The following EDAR variants were observed in gnomAD, a reference collection of about 807,000 sequenced individuals.
EDAR encodes ectodysplasin A receptor.
In EDAR, 38 loss-of-function variants were observed where a neutral mutation model predicts 51.3. The ratio of observed to expected loss-of-function variants is 0.74; its 90% CI spans 0.57 to 0.97. EDAR has a LOEUF of 0.97. EDAR is among the 50% of genes least tolerant of loss of function. EDAR has a pLI of 0.00. For synonymous variants in EDAR, 227 were observed against 242.1 expected (o/e 0.94, Z 0.58); for missense variants, 528 against 595.0 (o/e 0.89, Z 1.17).
intron 1 of EDAR, among the ~76,000 whole-genome samples, chr2:108,956,314 G>C (rs1392493643): frequency 6.6e-6 from 1 of 152,216 alleles, no homozygotes; most frequent in East Asian, 1.9e-4. Flanking sequence ...AGAAGTTAAA[G>C]GGCATGAGAG....
rs1431867467 is a variant in EDAR, at chr2:108,895,324, G to A, written c.*1583C>T. 1 of 152,630 alleles carries A rather than the reference G, an allele frequency of 6.6e-6. No homozygotes were observed. The highest frequency in any genetic ancestry group is 2.1e-4 in the South Asian group (1 of 4,816). 9.5% of individuals were successfully genotyped at this position (152,630 alleles called of 1,614,324 possible). On this transcript the variant is annotated 3_prime_UTR_variant, in exon 12 of 12. Coordinates refer to ENST00000258443, the MANE Select transcript of EDAR (RefSeq NM_022336.4). Reference sequence around the variant, plus strand: ...TAATTTTTACAACCTCGCTTTATAAGTCAGAGACTTTGTTTTAATGTAGTA... The same window carrying A: ...TAATTTTTACAACCTCGCTTTATAAATCAGAGACTTTGTTTTAATGTAGTA...
chr2:108,943,279 G>A (rs2105477358), intron 1 of EDAR, among the ~76,000 whole-genome samples: 1 of 152,298 alleles, frequency 6.6e-6, no homozygotes, highest in East Asian at 1.9e-4. Context: ...GGTCTGCTCC[G>A]ACTCCAAAGG....
At chr2:108,924,887 G>A (rs983145065) in intron 4 of EDAR, among the ~76,000 whole-genome samples, 5 of 152,198 alleles carry the variant, frequency 3.3e-5, no homozygotes, top group African/African-American at 9.7e-5. Context: ...GTGAGTTCAC[G>A]GGCATGTGGG....
chr2:108,934,196 A>G (rs1697424770), intron 1 of EDAR, among the ~76,000 whole-genome samples: 1 of 151,990 alleles, frequency 6.6e-6, no homozygotes, highest in Non-Finnish European at 1.5e-5. Flanking sequence ...GTGGCCTTAG[A>G]TGTGTTTCAT....
At chr2:108,979,200 G>C (rs976367589) in intron 1 of EDAR, among the ~76,000 whole-genome samples, 1 of 152,166 alleles carries the variant, frequency 6.6e-6, no homozygotes, top group Non-Finnish European at 1.5e-5. Flanking sequence ...TTAAGGAACA[G>C]CTCTTTCTTG....
At chr2:108,959,480 C>T (rs1697994730) in intron 1 of EDAR, among the ~76,000 whole-genome samples, 1 of 152,230 alleles carries the variant, frequency 6.6e-6, no homozygotes, top group Non-Finnish European at 1.5e-5. Context: ...CAGAATATTG[C>T]ATCTTTCAAT....
intron 11 of EDAR, among the ~76,000 whole-genome samples, chr2:108,905,588 C>T (rs1696786226): frequency 6.6e-6 from 1 of 152,154 alleles, no homozygotes; most frequent in Non-Finnish European, 1.5e-5. Context: ...ATGCACCAGG[C>T]TCCACTCCCG....
chr2:108,911,093 T>A (rs368489348), intron 6 of EDAR, 21 bp from the exon 7 acceptor site: 1 of 1,613,804 alleles, frequency 6.2e-7, no homozygotes, highest in Non-Finnish European at 8.5e-7. Flanking sequence ...AGAGAAGGCA[T>A]GAATGACCCA....
chr2:108,944,409 C>T (rs765084857), intron 1 of EDAR, among the ~76,000 whole-genome samples: 4 of 152,168 alleles, frequency 2.6e-5, no homozygotes, highest in South Asian at 2.1e-4. Context: ...CCACCGTGCC[C>T]GGCCCAGGAA....
intron 9 of EDAR, among the ~76,000 whole-genome samples, chr2:108,908,408 G>T (rs1355299755): frequency 6.6e-6 from 1 of 152,192 alleles, no homozygotes; most frequent in Non-Finnish European, 1.5e-5. Flanking sequence ...AGTTCAACTG[G>T]TGTCTTCATG....
At chr2:108,928,912 T>C (rs1222793497) in intron 4 of EDAR, among the ~76,000 whole-genome samples, 4 of 152,248 alleles carry the variant, frequency 2.6e-5, no homozygotes, top group Admixed American at 2.6e-4. Context: ...TACTGCACTG[T>C]AAGTATTCAA....
chr2:108,929,879 T>C (rs1697331645), intron 3 of EDAR, among the ~76,000 whole-genome samples: 1 of 152,210 alleles, frequency 6.6e-6, no homozygotes, highest in Non-Finnish European at 1.5e-5. Flanking sequence ...AGTGGGAAAG[T>C]GATCCTTTAA....
chr2:108,924,079 AG>A (rs924837804), intron 4 of EDAR, among the ~76,000 whole-genome samples: 2 of 152,234 alleles, frequency 1.3e-5, no homozygotes, highest in African/African-American at 4.8e-5. Flanking sequence ...ACTTGACAGA[AG>A]ACACCCTTGG....
intron 11 of EDAR, among the ~76,000 whole-genome samples, chr2:108,905,909 G>C (rs1009246257): frequency 6.8e-6 from 1 of 146,020 alleles, no homozygotes. Context: ...ATGCTCGAGG[G>C]CAGGGAGAGG....
At position 108,910,575 on chromosome 2, in the gene EDAR, G is replaced by C. The variant is rs201588688; in HGVS notation, c.731-43C>G. The C allele has an allele frequency of 8.5e-4, 1,314 of 1,541,552 alleles. 1 individual carries two copies. Among genetic ancestry groups the C allele is most frequent in the Non-Finnish European group, 1.1e-3 (1,258 of 1,116,702 alleles). The stretch of plus-strand genomic sequence containing the variant: ...GGTTGGGGAGATAGGAGTTAGAATT[G>C]GCTCATGGCTCTGCGCTCAGCCCAA... On this transcript the variant is annotated intron_variant, in intron 8 of 11. Coordinates refer to ENST00000258443, the MANE Select transcript of EDAR (RefSeq NM_022336.4).
intron 1 of EDAR, among the ~76,000 whole-genome samples, chr2:108,937,017 A>G (rs1553449680): frequency 1.1e-4 from 16 of 152,200 alleles, no homozygotes; most frequent in Non-Finnish European, 1.5e-5. Flanking sequence ...GGCCCCCCAC[A>G]GTGCTGTGCC....
chr2:108,912,582 CA>C, intron 6 of EDAR, 95 bp downstream of exon 6: 1 of 1,206,050 alleles, frequency 8.3e-7, no homozygotes, highest in Non-Finnish European at 1.2e-6. Flanking sequence ...GGAAGCGCAC[CA>C]TAATCATCAC....
rs370125802 is a variant in EDAR, at chr2:108,910,343, C to T, written c.803+117G>A. 3.9e-3 allele frequency: 3,167 copies of T among 821,100 alleles called. 86 individuals are homozygous for T. The South Asian group carries it at 0.043, about 11-fold the overall frequency. 50.9% of individuals were successfully genotyped at this position (821,100 alleles called of 1,614,324 possible). On this transcript the variant is annotated intron_variant, in intron 9 of 11. Transcript: ENST00000258443. The stretch of plus-strand genomic sequence containing the variant: ...GTGGTGGGGACTGTCTGTCGCCGAA[C>T]GTCCCCATAGTGTCCCAGGCTAGCC...
At chr2:108,917,166 A>C (rs1697043467) in intron 5 of EDAR, among the ~76,000 whole-genome samples, 1 of 152,206 alleles carries the variant, frequency 6.6e-6, no homozygotes, top group African/African-American at 2.4e-5. Flanking sequence ...TGCTTGTGGC[A>C]AAAAAGGAAA....
Sources: gnomAD v4.1 joint callset for allele counts (sites outside exome capture counted in the v4.1 genomes callset) on GRCh38, gnomAD v4.1.1 for gene constraint, MANE v1.5 for transcripts, NCBI Gene and HGNC (gene_info 2026-07-23, HGNC 2026-07-21) for gene names.